Variants in UST observed in about 807,000 individuals in gnomAD.
UST encodes uronyl 2-sulfotransferase.
In UST, 21 loss-of-function variants were observed where a neutral mutation model predicts 45.6. The observed-to-expected ratio is 0.46, with a 90% CI of 0.33 to 0.66. The LOEUF is 0.66. Among genes scored for constraint, UST ranks in the 30% least tolerant of loss-of-function variants. The pLI is 0.02. For missense variants in UST, 463 were observed against 512.4 expected (o/e 0.90, Z 0.93); for synonymous variants, 215 against 200.6 (o/e 1.07, Z -0.61).
At chr6:148,939,703 A>G (rs553776787) in intron 2 of UST, among the ~76,000 whole-genome samples, 1 of 152,340 alleles carries the variant, frequency 6.6e-6, no homozygotes, top group African/African-American at 2.4e-5. Context: ...CTCACACCAC[A>G]CACAAAAGTA....
chr6:148,810,382 T>C (rs988214776), intron 1 of UST, among the ~76,000 whole-genome samples: 2 of 152,262 alleles, frequency 1.3e-5, no homozygotes, highest in Admixed American at 6.5e-5. Context: ...TGGTAGTGCA[T>C]TATCTGAATT....
intron 5 of UST, among the ~76,000 whole-genome samples, chr6:148,985,524 T>C (rs1582943833): frequency 6.6e-6 from 1 of 152,070 alleles, no homozygotes; most frequent in Non-Finnish European, 1.5e-5. Context: ...AGGAAGAATA[T>C]CTAAAATGAG....
intron 1 of UST, among the ~76,000 whole-genome samples, chr6:148,816,343 C>T (rs192181331): frequency 1.3e-5 from 2 of 152,244 alleles, no homozygotes; most frequent in African/African-American, 4.8e-5. Context: ...CCCAGAGAGA[C>T]AAGTGGATTA....
intron 1 of UST, among the ~76,000 whole-genome samples, chr6:148,783,471 C>T (rs1029413542): frequency 6.6e-6 from 1 of 152,204 alleles, no homozygotes; most frequent in Non-Finnish European, 1.5e-5. Flanking sequence ...AAGCATTTCT[C>T]TCCTGGAGTT....
At chr6:149,038,959 T>C (rs1025151636) in intron 7 of UST, among the ~76,000 whole-genome samples, 1 of 152,126 alleles carries the variant, frequency 6.6e-6, no homozygotes, top group African/African-American at 2.4e-5. Context: ...TCTGACACAA[T>C]ATTTATATTT....
intron 1 of UST, among the ~76,000 whole-genome samples, chr6:148,877,663 G>A (rs62426094): frequency 0.13 from 14,506 of 114,378 alleles, 1,706 homozygotes; most frequent in East Asian, 0.3. Context: ...ATGAGTGCGA[G>A]GGGTCATGTA....
At chr6:148,897,884 G>A (rs1004639849) in intron 2 of UST, among the ~76,000 whole-genome samples, 10 of 152,064 alleles carry the variant, frequency 6.6e-5, no homozygotes, top group Admixed American at 2.0e-4. Context: ...AGGTATCCCC[G>A]CTTTGATGCC....
intron 5 of UST, among the ~76,000 whole-genome samples, chr6:148,982,786 G>A (rs1781164560): frequency 6.6e-6 from 1 of 152,200 alleles, no homozygotes; most frequent in Non-Finnish European, 1.5e-5. Flanking sequence ...TTACAGGTAA[G>A]TAAAATGTTG....
chr6:148,864,499 G>A (rs1778386929), intron 1 of UST, among the ~76,000 whole-genome samples: 1 of 152,218 alleles, frequency 6.6e-6, no homozygotes, highest in Non-Finnish European at 1.5e-5. Flanking sequence ...TCCATGGGCT[G>A]CATCCACTGT....
intron 1 of UST, among the ~76,000 whole-genome samples, chr6:148,762,923 A>T (rs755847162): frequency 6.6e-6 from 1 of 152,206 alleles, no homozygotes. Context: ...AGTTAGTTTC[A>T]TTCCCTGACT....
Position 148,822,658 on chromosome 6 carries a change from A to G in UST, c.248-64328A>G, listed in dbSNP as rs1459177651. On this transcript the variant is annotated intron_variant, in intron 1 of 7. Transcript: ENST00000367463. Reference sequence around the variant, plus strand: ...GAGGTATGAAATATCTCTGTCGGGGAATATGAGTAATTTGCCATTTCTTCA... The same window carrying G: ...GAGGTATGAAATATCTCTGTCGGGGGATATGAGTAATTTGCCATTTCTTCA... Among the ~76,000 whole-genome samples the G allele has an allele frequency of 3.9e-5, 6 of 152,210 alleles. No homozygotes were observed. The East Asian group carries it at 1.2e-3, about 29-fold the overall frequency.
At chr6:148,990,725 C>T (rs527519091) in intron 5 of UST, among the ~76,000 whole-genome samples, 14 of 152,168 alleles carry the variant, frequency 9.2e-5, no homozygotes, top group South Asian at 2.1e-4. Flanking sequence ...TCTTTCAAAG[C>T]GCAACTTCTC....
At chr6:148,753,663 C>T (rs1389849261) in intron 1 of UST, among the ~76,000 whole-genome samples, 4 of 152,014 alleles carry the variant, frequency 2.6e-5, no homozygotes, top group Non-Finnish European at 4.4e-5. Flanking sequence ...TGTTTCAACA[C>T]CTGTTTTCTG....
At chr6:149,005,016 T>TA (rs1781620696) in intron 5 of UST, among the ~76,000 whole-genome samples, 1 of 151,022 alleles carries the variant, frequency 6.6e-6, no homozygotes, top group Non-Finnish European at 1.5e-5. Context: ...TTTTTTTTTT[T>TA]AACTTTTTTG....
chr6:149,029,301 T>C (rs908872431), intron 7 of UST, among the ~76,000 whole-genome samples: 1 of 148,170 alleles, frequency 6.7e-6, no homozygotes, highest in African/African-American at 2.5e-5. Context: ...ATCTAAATTA[T>C]ATATAAAGTA....
intron 1 of UST, among the ~76,000 whole-genome samples, chr6:148,765,861 C>G (rs932825529): frequency 1.3e-5 from 2 of 152,210 alleles, no homozygotes; most frequent in Non-Finnish European, 2.9e-5. Context: ...TGCCTAATTG[C>G]TCTGGCTAGG....
chr6:148,908,040 C>G (rs142935837), intron 2 of UST, among the ~76,000 whole-genome samples: 1 of 151,066 alleles, frequency 6.6e-6, no homozygotes, highest in Admixed American at 6.6e-5. Flanking sequence ...TCCCGAGTAG[C>G]TGGGATTACA....
chr6:149,004,593 G>A (rs550569454), intron 5 of UST, among the ~76,000 whole-genome samples: 2 of 152,298 alleles, frequency 1.3e-5, no homozygotes, highest in East Asian at 3.9e-4. Context: ...ATATTCACAA[G>A]CAAGACTCTA....
intron 1 of UST, among the ~76,000 whole-genome samples, chr6:148,777,293 A>G (rs953371230): frequency 3.9e-5 from 6 of 152,196 alleles, no homozygotes; most frequent in Non-Finnish European, 7.3e-5. Context: ...CTGATGGATG[A>G]CTCTGAATAA....
Sources: allele counts gnomAD v4.1 joint callset (sites outside exome capture counted in the v4.1 genomes callset), GRCh38; gene constraint gnomAD v4.1.1; transcripts MANE v1.5; gene names NCBI Gene and HGNC (gene_info 2026-07-23, HGNC 2026-07-21).